Variants in ZBTB7C observed in about 807,000 individuals in gnomAD.
ZBTB7C encodes zinc finger and BTB domain-containing protein 7C.
ZBTB7C carries 8 observed loss-of-function variants against 25.7 expected under a neutral mutation model. The ratio of observed to expected loss-of-function variants is 0.31; its 90% CI spans 0.18 to 0.56. The LOEUF (loss-of-function observed/expected upper bound fraction) is 0.56. Ranked by LOEUF, ZBTB7C falls within the 20% of genes least tolerant of loss-of-function variation. The pLI, the probability that ZBTB7C is intolerant of heterozygous loss-of-function variation, is 0.91. For missense variants in ZBTB7C, 824 were observed against 855.2 expected, an observed-to-expected ratio of 0.96 and a Z score of 0.46; for synonymous variants, 394 against 369.0, an observed-to-expected ratio of 1.07 and a Z score of -0.78.
At chr18:48,271,483 CAAATA>C (rs1419707059) in intron 2 of ZBTB7C, among the ~76,000 whole-genome samples, 1 of 147,716 alleles carries the variant, frequency 6.8e-6, no homozygotes, top group African/African-American at 2.5e-5. Context: ...ATACATAAAT[CAAATA>C]AATATTTATA....
chr18:48,371,095 A>C (rs2047377702), intron 1 of ZBTB7C, among the ~76,000 whole-genome samples: 1 of 152,142 alleles, frequency 6.6e-6, no homozygotes. Context: ...TTCTGGAGAG[A>C]GAGTACCTAG....
At chr18:48,188,887 C>T (rs1306357224) in intron 2 of ZBTB7C, among the ~76,000 whole-genome samples, 1 of 152,226 alleles carries the variant, frequency 6.6e-6, no homozygotes, top group Non-Finnish European at 1.5e-5. Flanking sequence ...AAGTCCACCT[C>T]CCTCATCAAG....
intron 1 of ZBTB7C, among the ~76,000 whole-genome samples, chr18:48,398,326 C>G (rs951690945): frequency 1.6e-4 from 25 of 152,222 alleles, no homozygotes; most frequent in African/African-American, 5.1e-4. Flanking sequence ...AAGAGTTTTG[C>G]TTACCAGACT....
Position 48,040,742 on chromosome 18 carries a change from C to T in ZBTB7C, c.366G>A (p.Val122=). The T allele has an allele frequency of 3.7e-6, 6 of 1,614,070 alleles. No homozygotes were observed. The highest frequency in any genetic ancestry group is 5.1e-6 in the Non-Finnish European group (6 of 1,180,016). The change falls in exon 4 of 5, where the codon GTG becomes GTA. Residue 122 remains valine, a synonymous_variant. Transcript: ENST00000590800. The part of the protein sequence containing the change: ...RMLEIQCIVN[V]CLEIMEPGGD... The stretch of plus-strand genomic sequence containing the variant: ...CCCCAGGCTCCATGATCTCCAGGCA[C>T]ACGTTCACGATGCACTGGATCTCCA...
intron 2 of ZBTB7C, among the ~76,000 whole-genome samples, chr18:48,236,983 G>A (rs1419938690): frequency 2.6e-5 from 4 of 152,170 alleles, no homozygotes; most frequent in African/African-American, 9.7e-5. Flanking sequence ...GAAATGGGAG[G>A]GGAAAGGGCA....
At chr18:48,197,214 T>G (rs966692838) in intron 2 of ZBTB7C, among the ~76,000 whole-genome samples, 1 of 152,118 alleles carries the variant, frequency 6.6e-6, no homozygotes, top group Non-Finnish European at 1.5e-5. Context: ...AAAATGGAAC[T>G]AGGGACCAGA....
chr18:48,061,053 C>G (rs972713850), intron 3 of ZBTB7C, among the ~76,000 whole-genome samples: 2 of 152,088 alleles, frequency 1.3e-5, no homozygotes. Context: ...TGACCCTGTT[C>G]TGGCCACTAG....
chr18:48,360,793 G>C (rs1002738766), intron 1 of ZBTB7C, among the ~76,000 whole-genome samples: 1 of 152,090 alleles, frequency 6.6e-6, no homozygotes, highest in Admixed American at 6.5e-5. Context: ...GGAGGCATGT[G>C]GCAGAGACCC....
At chr18:48,180,797 A>T (rs2041898300) in intron 3 of ZBTB7C, among the ~76,000 whole-genome samples, 2 of 152,208 alleles carry the variant, frequency 1.3e-5, no homozygotes, top group South Asian at 4.1e-4. Context: ...CTCCTAGAAC[A>T]TCACAAAGAT....
chr18:48,221,472 C>T (rs1193713102), intron 2 of ZBTB7C, among the ~76,000 whole-genome samples: 3 of 146,690 alleles, frequency 2.0e-5, no homozygotes, highest in Non-Finnish European at 4.5e-5. Flanking sequence ...TCCTAGTCTC[C>T]CTCTATACTG....
intron 2 of ZBTB7C, among the ~76,000 whole-genome samples, chr18:48,284,624 T>A (rs1287248690): frequency 6.6e-6 from 1 of 151,854 alleles, no homozygotes; most frequent in Non-Finnish European, 1.5e-5. Context: ...CGGAACCGTG[T>A]CTCTACTAAA....
Position 48,324,779 on chromosome 18 carries a change from T to C in ZBTB7C, c.-79+13395A>G, listed in dbSNP as rs16949079. Among the ~76,000 whole-genome samples the C allele has an allele frequency of 7.1e-3, 1,084 of 152,176 alleles. 54 individuals carry two copies. The highest frequency in any genetic ancestry group is 0.065 in the Admixed American group (991 of 15,282). ...CAATTCCTGTGTGCTGCGTGAAGAC[T>C]GGGTTGGGCTGGGGATGGTGGCAGG... is the stretch of plus-strand genomic sequence containing the variant. On this transcript the variant is annotated intron_variant, in intron 2 of 4. Transcript: ENST00000590800.
intron 1 of ZBTB7C, among the ~76,000 whole-genome samples, chr18:48,383,709 C>A (rs1223033586): frequency 1.3e-5 from 2 of 152,104 alleles, no homozygotes; most frequent in Non-Finnish European, 2.9e-5. Context: ...GAGAAAGGCA[C>A]CTGAGTCTGG....
intron 1 of ZBTB7C, chr18:48,408,446 C>T (rs1399017931): frequency 1.3e-5 from 2 of 151,942 alleles, no homozygotes; most frequent in Non-Finnish European, 2.9e-5. Context: ...GGGCCAGGCT[C>T]GGCTTCACTT....
intron 3 of ZBTB7C, among the ~76,000 whole-genome samples, chr18:48,184,480 C>G (rs1042546903): frequency 4.6e-5 from 7 of 152,120 alleles, no homozygotes; most frequent in African/African-American, 1.7e-4. Flanking sequence ...CTGGATAGAG[C>G]CTTTGTAAAG....
At chr18:48,043,735 C>T (rs770674143) in intron 3 of ZBTB7C, among the ~76,000 whole-genome samples, 6 of 152,118 alleles carry the variant, frequency 3.9e-5, no homozygotes, top group Non-Finnish European at 8.8e-5. Flanking sequence ...GGAGAAAATG[C>T]GTAAAGGGTA....
At chr18:48,081,026 A>G (rs527438992) in intron 3 of ZBTB7C, among the ~76,000 whole-genome samples, 1 of 152,346 alleles carries the variant, frequency 6.6e-6, no homozygotes, top group Admixed American at 6.5e-5. Context: ...CCAGCCATAC[A>G]GCTCTCCCTG....
intron 1 of ZBTB7C, among the ~76,000 whole-genome samples, chr18:48,382,916 G>A (rs1433080170): frequency 6.6e-6 from 1 of 152,176 alleles, no homozygotes; most frequent in East Asian, 1.9e-4. Context: ...GGTATGCCCT[G>A]CAACTTGAAA....
chr18:48,396,898 T>C (rs1432193966), intron 1 of ZBTB7C, among the ~76,000 whole-genome samples: 2 of 152,230 alleles, frequency 1.3e-5, no homozygotes, highest in Admixed American at 6.5e-5. Context: ...TTATAAAGCA[T>C]AGGTGGACGC....
Sources: allele counts gnomAD v4.1 joint callset (sites outside exome capture counted in the v4.1 genomes callset), GRCh38; gene constraint gnomAD v4.1.1; transcripts MANE v1.5; gene names NCBI Gene and HGNC (gene_info 2026-07-23, HGNC 2026-07-21).